Variants in DMD observed in about 807,000 individuals in gnomAD.
DMD encodes mutant dystrophin.
A neutral mutation model predicts 330.1 loss-of-function variants in DMD; 63 were observed. The observed-to-expected ratio is 0.19, with a 90% CI of 0.16 to 0.24. DMD has a LOEUF of 0.24. DMD is among the 10% of genes least tolerant of loss of function. DMD has a pLI of 1.00. For missense variants in DMD, 3,344 were observed against 2,684.1 expected, an observed-to-expected ratio of 1.25 and a Z score of -5.43; for synonymous variants, 1,223 against 959.8, an observed-to-expected ratio of 1.27 and a Z score of -5.07.
chrX:31,810,255 T>C lies in DMD; in HGVS notation c.7309+9720A>G, dbSNP rs1431638220. Reference sequence around the variant, plus strand: ...ACAGAAAAATAGTATGGAAAACACTTGGAAGGGTAGGAGGAGGGCCACAGA... The same window carrying C: ...ACAGAAAAATAGTATGGAAAACACTCGGAAGGGTAGGAGGAGGGCCACAGA... On this transcript the variant is annotated intron_variant, in intron 50 of 78. Transcript: ENST00000357033. Among the ~76,000 whole-genome samples, 4 of 110,425 alleles carry C rather than the reference T, an allele frequency of 3.6e-5. No individual in the cohort carries two copies. The East Asian group carries it at 8.6e-4, about 24-fold the overall frequency.
intron 55 of DMD, among the ~76,000 whole-genome samples, chrX:31,589,611 T>C (rs1488566342): frequency 8.9e-6 from 1 of 111,940 alleles, no homozygotes; most frequent in Admixed American, 9.5e-5. Flanking sequence ...TGACCTCTTA[T>C]TTAGTTGACA....
chrX:31,214,937 CT>C (rs761569710), intron 64 of DMD, among the ~76,000 whole-genome samples: 15 of 38,089 alleles, frequency 3.9e-4, no homozygotes, highest in East Asian at 2.1e-3. Context: ...TTTCTTTTTT[CT>C]TTTTTTTTTT....
At chrX:33,297,911 C>T (rs942119357) in intron 1 of DMD, among the ~76,000 whole-genome samples, 3 of 110,149 alleles carry the variant, frequency 2.7e-5, no homozygotes, top group Non-Finnish European at 5.7e-5. Flanking sequence ...ATATTAATGT[C>T]CTTTATACTT....
chrX:32,185,146 T>C (rs2096941227), intron 44 of DMD, among the ~76,000 whole-genome samples: 1 of 111,367 alleles, frequency 9.0e-6, no homozygotes, highest in African/African-American at 3.3e-5. Flanking sequence ...AATAGCCTTA[T>C]TGGTATTTGT....
chrX:32,440,941 T>C (rs1883293292), intron 28 of DMD, among the ~76,000 whole-genome samples: 1 of 111,175 alleles, frequency 9.0e-6, no homozygotes, highest in Non-Finnish European at 1.9e-5. Context: ...ATGTAGAACT[T>C]AGTGATATAA....
chrX:31,600,510 GTTTTTT>G (rs1177947507), intron 55 of DMD, among the ~76,000 whole-genome samples: 6 of 50,489 alleles, frequency 1.2e-4, no homozygotes, highest in African/African-American at 4.7e-4. Context: ...GCCAACTATG[GTTTTTT>G]TTTTTTTTTT....
At chrX:32,609,856 T>C (rs2057024643) in intron 12 of DMD, among the ~76,000 whole-genome samples, 1 of 111,478 alleles carries the variant, frequency 9.0e-6, no homozygotes, top group Non-Finnish European at 1.9e-5. Context: ...ACCAAGGTTA[T>C]GCATCTATGC....
At chrX:32,653,949 C>A (rs2060362399) in intron 9 of DMD, among the ~76,000 whole-genome samples, 1 of 110,437 alleles carries the variant, frequency 9.1e-6, no homozygotes, top group South Asian at 3.8e-4. Flanking sequence ...CATGATTTGC[C>A]TCTGTCTGTT....
chrX:31,762,557 C>G, intron 51 of DMD, among the ~76,000 whole-genome samples: 1 of 111,318 alleles, frequency 9.0e-6, no homozygotes, highest in Middle Eastern at 4.7e-3. Flanking sequence ...GACAGAGACT[C>G]CATCTCAAAA....
chrX:31,818,516 T>C (rs1402410612), intron 50 of DMD, among the ~76,000 whole-genome samples: 1 of 110,530 alleles, frequency 9.0e-6, no homozygotes, highest in Non-Finnish European at 1.9e-5. Context: ...GAGTTCAGAG[T>C]TTAACAAACT....
intron 13 of DMD, among the ~76,000 whole-genome samples, chrX:32,586,292 A>G (rs1157605243): frequency 9.1e-6 from 1 of 109,766 alleles, no homozygotes; most frequent in Non-Finnish European, 1.9e-5. Context: ...TTTATATACT[A>G]ATGCAATCGA....
chrX:31,726,911 A>T (rs1157231029), intron 52 of DMD, among the ~76,000 whole-genome samples: 1 of 112,078 alleles, frequency 8.9e-6, no homozygotes, highest in Non-Finnish European at 1.9e-5. Flanking sequence ...TAAAAGACAA[A>T]AGCTTAGAAA....
intron 52 of DMD, among the ~76,000 whole-genome samples, chrX:31,723,046 CA>C (rs1191258851): frequency 4.3e-4 from 28 of 65,774 alleles, no homozygotes; most frequent in Admixed American, 6.0e-4. Context: ...GACTCTGTCT[CA>C]AAAAAAAAAT....
At chrX:32,271,865 C>T (rs763402333) in intron 43 of DMD, among the ~76,000 whole-genome samples, 3 of 111,756 alleles carry the variant, frequency 2.7e-5, no homozygotes, top group Non-Finnish European at 5.7e-5. Flanking sequence ...ATTTACCCTG[C>T]ATTAATAATT....
intron 6 of DMD, among the ~76,000 whole-genome samples, chrX:32,814,817 A>G (rs1195920104): frequency 9.0e-6 from 1 of 111,557 alleles, no homozygotes; most frequent in Non-Finnish European, 1.9e-5. Flanking sequence ...GCAGGATTGA[A>G]GTCTTCCACT....
At chrX:31,359,552 G>A (rs1569532332) in intron 60 of DMD, among the ~76,000 whole-genome samples, 1 of 112,273 alleles carries the variant, frequency 8.9e-6, no homozygotes, top group East Asian at 2.8e-4. Flanking sequence ...AACAATGACA[G>A]TAATAATAGC....
intron 1 of DMD, among the ~76,000 whole-genome samples, chrX:33,321,700 C>T (rs1409909338): frequency 8.9e-6 from 1 of 111,886 alleles, no homozygotes; most frequent in African/African-American, 3.2e-5. Flanking sequence ...TTGACTTCTC[C>T]TTTCTAGCTA....
At chrX:32,004,602 G>A (rs1244582194) in intron 44 of DMD, among the ~76,000 whole-genome samples, 1 of 111,489 alleles carries the variant, frequency 9.0e-6, no homozygotes, top group Non-Finnish European at 1.9e-5. Flanking sequence ...AAATCCTTCT[G>A]TTGGGATAAG....
At chrX:32,664,336 G>A (rs1327296924) in intron 9 of DMD, among the ~76,000 whole-genome samples, 3 of 106,610 alleles carry the variant, frequency 2.8e-5, no homozygotes, top group African/African-American at 6.9e-5. Flanking sequence ...CCGCCTCCCG[G>A]GTTCACGCCA....
Sources: allele counts gnomAD v4.1 joint callset (sites outside exome capture counted in the v4.1 genomes callset), GRCh38; gene constraint gnomAD v4.1.1; transcripts MANE v1.5; gene names NCBI Gene and HGNC (gene_info 2026-07-23, HGNC 2026-07-21).